Variants in COL19A1 observed in about 807,000 individuals in gnomAD.
COL19A1 encodes the protein collagen alpha-1(XIX) chain.
Under a neutral mutation model 190.2 loss-of-function variants are expected in COL19A1, and 159 were observed. That is an observed-to-expected ratio of 0.84 (90% confidence interval 0.73 to 0.95). The LOEUF (loss-of-function observed/expected upper bound fraction) is 0.95. COL19A1 is among the 40% of genes least tolerant of loss of function. COL19A1 has a pLI of 0.00. For missense variants in COL19A1, 1,418 were observed against 1,431.9 expected, an observed-to-expected ratio of 0.99 and a Z score of 0.16; for synonymous variants, 509 against 458.9, an observed-to-expected ratio of 1.11 and a Z score of -1.39.
chr6:70,059,839 A>T (rs1027837309), intron 14 of COL19A1: 3 of 501,802 alleles, frequency 6.0e-6, no homozygotes, highest in African/African-American at 6.0e-5. Flanking sequence ...AAATAACTCA[A>T]TTTACAGTTA....
chr6:70,023,044 A>G (rs926961095), intron 11 of COL19A1, among the ~76,000 whole-genome samples: 1 of 152,166 alleles, frequency 6.6e-6, no homozygotes, highest in East Asian at 1.9e-4. Context: ...TATATTGTCA[A>G]TCCAAATCAC....
chr6:70,118,116 T>G (rs1015437556), intron 16 of COL19A1, among the ~76,000 whole-genome samples: 1 of 152,214 alleles, frequency 6.6e-6, no homozygotes, highest in Non-Finnish European at 1.5e-5. Flanking sequence ...ACTTCTTTCT[T>G]GGAGTTGATT....
chr6:70,080,250 C>T (rs1782164082), intron 15 of COL19A1, among the ~76,000 whole-genome samples: 1 of 152,196 alleles, frequency 6.6e-6, no homozygotes. Flanking sequence ...ACACCTACTA[C>T]TTTCTTCCCT....
chr6:69,933,016 T>G (rs1772880978), intron 7 of COL19A1, among the ~76,000 whole-genome samples, 153 bp downstream of exon 7: 1 of 152,070 alleles, frequency 6.6e-6, no homozygotes, highest in South Asian at 2.1e-4. Flanking sequence ...TCATAGTGCT[T>G]TCTCATGGTT....
At chr6:70,127,919 A>C (rs1357342431) in intron 17 of COL19A1, among the ~76,000 whole-genome samples, 2 of 152,192 alleles carry the variant, frequency 1.3e-5, no homozygotes, top group African/African-American at 4.8e-5. Context: ...TGACACTCAG[A>C]GAGGAAGAGT....
chr6:69,913,062 C>G (rs1461606465), intron 4 of COL19A1, among the ~76,000 whole-genome samples: 1 of 152,044 alleles, frequency 6.6e-6, no homozygotes, highest in Non-Finnish European at 1.5e-5. Flanking sequence ...ACACTCCAGC[C>G]TGAGTGACAG....
At chr6:69,920,103 A>C (rs900693761) in intron 4 of COL19A1, among the ~76,000 whole-genome samples, 1 of 152,180 alleles carries the variant, frequency 6.6e-6, no homozygotes, top group African/African-American at 2.4e-5. Context: ...CCCTTGCAAA[A>C]ACTGAGAAAG....
intron 11 of COL19A1, among the ~76,000 whole-genome samples, chr6:70,018,419 T>C (rs950110108): frequency 6.6e-6 from 1 of 152,068 alleles, no homozygotes; most frequent in African/African-American, 2.4e-5. Flanking sequence ...GTCTACCCAA[T>C]TGTATATTTT....
intron 10 of COL19A1, among the ~76,000 whole-genome samples, chr6:69,962,457 A>G (rs1408289701): frequency 2.0e-5 from 3 of 152,210 alleles, no homozygotes; most frequent in Non-Finnish European, 2.9e-5. Context: ...TAAAATAAAT[A>G]GTAATTATAA....
rs369566756 is a variant in COL19A1, at chr6:69,962,816, T to C, written c.982-10T>C. ...TTTATTACTATACACATCATATTCCTCTTCTACAGGGAGAGCAAGGTTTTG... is the reference window on the plus strand; with the variant it reads ...TTTATTACTATACACATCATATTCCCCTTCTACAGGGAGAGCAAGGTTTTG... On this transcript the variant is annotated splice_polypyrimidine_tract_variant and intron_variant, in intron 10 of 50. Transcript: ENST00000620364. The C allele has an allele frequency of 5.6e-6, 9 of 1,595,010 alleles. No homozygotes were observed. The highest frequency in any genetic ancestry group is 7.7e-6 in the Non-Finnish European group (9 of 1,167,788).
intron 11 of COL19A1, among the ~76,000 whole-genome samples, chr6:70,021,790 T>C (rs1562093380): frequency 6.6e-6 from 1 of 152,132 alleles, no homozygotes; most frequent in Non-Finnish European, 1.5e-5. Context: ...GAATTTTACA[T>C]TTAATTTAAT....
chr6:70,151,509 A>T (rs568279033), intron 31 of COL19A1, 71 bp downstream of exon 31: 1 of 1,461,826 alleles, frequency 6.8e-7, no homozygotes, highest in East Asian at 2.3e-5. Flanking sequence ...TATTTAGCAG[A>T]AATTGAGTCA....
chr6:70,047,782 A>G (rs1354051437), intron 14 of COL19A1, among the ~76,000 whole-genome samples: 2 of 152,142 alleles, frequency 1.3e-5, no homozygotes, highest in Admixed American at 6.6e-5. Flanking sequence ...ACTGAAATAC[A>G]TTACTAAGGC....
chr6:69,968,070 A>G (rs2150052088), intron 11 of COL19A1, among the ~76,000 whole-genome samples: 1 of 152,314 alleles, frequency 6.6e-6, no homozygotes, highest in South Asian at 2.1e-4. Flanking sequence ...AAATTTTTGT[A>G]AGCCAGCCTA....
chr6:70,178,493 C>T (rs1012957810), intron 42 of COL19A1, among the ~76,000 whole-genome samples: 3 of 152,076 alleles, frequency 2.0e-5, no homozygotes, highest in African/African-American at 7.2e-5. Flanking sequence ...TATAACTGGC[C>T]CTTCTGCGGC....
chr6:70,074,009 C>A (rs3806005), intron 15 of COL19A1, among the ~76,000 whole-genome samples: 17,620 of 152,178 alleles, frequency 0.12, 1,196 homozygotes, highest in Admixed American at 0.2. Flanking sequence ...GTCATTGCTT[C>A]TATGAAATCA....
At chr6:69,936,680 C>T in intron 7 of COL19A1, 105 bp from the exon 8 acceptor site, 1 of 1,441,656 alleles carries the variant, frequency 6.9e-7, no homozygotes. Context: ...AGAAGCAGTT[C>T]TTGCAGGCAA....
chr6:70,041,487 A>C (rs1265022207), intron 14 of COL19A1, among the ~76,000 whole-genome samples: 1 of 152,124 alleles, frequency 6.6e-6, no homozygotes, highest in Non-Finnish European at 1.5e-5. Flanking sequence ...GTAGACATTT[A>C]TTCAGTGCTA....
chr6:70,067,311 G>A (rs564822596), intron 14 of COL19A1, among the ~76,000 whole-genome samples: 9 of 152,224 alleles, frequency 5.9e-5, no homozygotes, highest in East Asian at 1.9e-4. Context: ...GAATCCAAAC[G>A]TATCTTGTAG....
Sources: gnomAD v4.1 joint callset for allele counts (sites outside exome capture counted in the v4.1 genomes callset) on GRCh38, gnomAD v4.1.1 for gene constraint, MANE v1.5 for transcripts, NCBI Gene and HGNC (gene_info 2026-07-23, HGNC 2026-07-21) for gene names.